PSMD14: variants seen among roughly 807,000 people sequenced by gnomAD.
PSMD14 encodes proteasome 26S subunit, non-ATPase 14.
Under a neutral mutation model 41.2 loss-of-function variants are expected in PSMD14, and 7 were observed. The ratio of observed to expected loss-of-function variants is 0.17; its 90% CI spans 0.10 to 0.32. The LOEUF (loss-of-function observed/expected upper bound fraction) is 0.32. PSMD14 is among the 10% of genes least tolerant of loss of function. The pLI is 1.00. For synonymous variants in PSMD14, 114 were observed against 122.3 expected (o/e 0.93, Z 0.45); for missense variants, 139 against 375.6 (o/e 0.37, Z 5.21).
chr2:161,411,555 A>G lies in PSMD14; in HGVS notation c.*155A>G. On this transcript the variant is annotated 3_prime_UTR_variant, in exon 12 of 12. Coordinates refer to ENST00000409682, the MANE Select transcript of PSMD14 (RefSeq NM_005805.6). Reference sequence around the variant, plus strand: ...TAACACCTTCAGTCTCAGTTGTGCAATTACTTCTGTTTCTTTAGTCAGGGT... The same window carrying G: ...TAACACCTTCAGTCTCAGTTGTGCAGTTACTTCTGTTTCTTTAGTCAGGGT... The G allele has an allele frequency of 4.8e-6, 2 of 415,556 alleles. No individual in the cohort carries two copies. Among genetic ancestry groups the G allele is most frequent in the Non-Finnish European group, 4.2e-6 (1 of 236,350 alleles). The allele number at this position is 415,556 out of a possible 1,614,324, so 25.7% of individuals were successfully genotyped here. A position where few individuals can be genotyped will look rare whatever the true frequency, so the allele number is the denominator to read the frequency against.
At chr2:161,410,998 A>T (rs978296024) in intron 11 of PSMD14, among the ~76,000 whole-genome samples, 10 of 152,042 alleles carry the variant, frequency 6.6e-5, no homozygotes, top group African/African-American at 1.9e-4. Flanking sequence ...GAAATTTTTT[A>T]AAAAATCAGA....
chr2:161,409,448 A>G (rs945826236), intron 11 of PSMD14: 2 of 152,264 alleles, frequency 1.3e-5, no homozygotes, highest in African/African-American at 4.8e-5. Context: ...ACTGTTTTTT[A>G]AAGAATGTTG....
chr2:161,326,276 C>T (rs1410799176), intron 3 of PSMD14, among the ~76,000 whole-genome samples: 1 of 152,098 alleles, frequency 6.6e-6, no homozygotes, highest in Non-Finnish European at 1.5e-5. Context: ...ATTGATCCGC[C>T]CACCTCGGCC....
At chr2:161,399,254 G>A (rs1358400036) in intron 10 of PSMD14, among the ~76,000 whole-genome samples, 2 of 152,002 alleles carry the variant, frequency 1.3e-5, no homozygotes, top group Non-Finnish European at 2.9e-5. Flanking sequence ...TATAATTCTA[G>A]TAAGAATATT....
intron 3 of PSMD14, among the ~76,000 whole-genome samples, chr2:161,344,628 C>G (rs1490539798): frequency 1.2e-5 from 1 of 82,562 alleles, no homozygotes; most frequent in African/African-American, 4.1e-5. Flanking sequence ...GTTAACATTT[C>G]TGGTGTTCTT....
chr2:161,327,946 C>CTGTGTGTGTGTGTGTGTGTGTGTG lies in PSMD14; in HGVS notation c.48+9088_48+9111dup, dbSNP rs369674882. 6.0e-3 allele frequency among the ~76,000 whole-genome samples: 701 copies of CTGTGTGTGTGTGTGTGTGTGTGTG among 117,102 alleles called. 34 individuals are homozygous for CTGTGTGTGTGTGTGTGTGTGTGTG. The highest frequency in any genetic ancestry group is 0.023 in the East Asian group (79 of 3,390). 76.8% of individuals were successfully genotyped at this position (117,102 alleles called of 152,430 possible). ...GGGGAAGCAGGAATTCTCATGTAAG[C>CTGTGTGTGTGTGTGTGTGTGTGTG]TGTGTGTGTGTGTGTGTGTGTGTGT... On this transcript the variant is annotated intron_variant, in intron 3 of 11. Transcript: ENST00000409682.
chr2:161,404,972 T>C (rs1301233269), intron 10 of PSMD14, among the ~76,000 whole-genome samples: 2 of 152,210 alleles, frequency 1.3e-5, no homozygotes, highest in African/African-American at 4.8e-5. Context: ...TTTCCTCTCA[T>C]TTGAAATGTA....
rs542645559 is a variant in PSMD14, at chr2:161,356,107, A to C, written c.49-11371A>C. Among the ~76,000 whole-genome samples the C allele has an allele frequency of 7.0e-4, 106 of 152,278 alleles. 1 individual carries two copies. The highest frequency in any genetic ancestry group is 1.1e-3 in the Non-Finnish European group (74 of 67,998). ...GTAACAAGTTTTTTAAATTAATTGA[A>C]AGCAAACAGCTGAAATCATGCATTG... On this transcript the variant is annotated intron_variant, in intron 3 of 11. Transcript: ENST00000409682.
At chr2:161,394,571 G>A (rs1165206025) in intron 9 of PSMD14, among the ~76,000 whole-genome samples, 4 of 152,132 alleles carry the variant, frequency 2.6e-5, no homozygotes, top group African/African-American at 7.2e-5. Flanking sequence ...TATTTATTGA[G>A]CTATTATTAG....
chr2:161,378,317 A>T (rs1433882330), intron 7 of PSMD14, among the ~76,000 whole-genome samples: 2 of 151,958 alleles, frequency 1.3e-5, no homozygotes, highest in African/African-American at 4.8e-5. Flanking sequence ...TTCTCAGTTT[A>T]GCATGTCACA....
At chr2:161,323,363 A>G (rs533141714) in intron 3 of PSMD14, among the ~76,000 whole-genome samples, 2 of 152,078 alleles carry the variant, frequency 1.3e-5, no homozygotes, top group East Asian at 3.9e-4. Context: ...TTAATATCAC[A>G]TTTTAAAATG....
chr2:161,333,683 C>T (rs140177240), intron 3 of PSMD14, among the ~76,000 whole-genome samples: 4 of 152,336 alleles, frequency 2.6e-5, no homozygotes, highest in South Asian at 4.1e-4. Flanking sequence ...CCAGACCCTT[C>T]AACCTCCTCA....
chr2:161,312,359 G>T (rs1475412587), intron 1 of PSMD14, among the ~76,000 whole-genome samples: 1 of 152,062 alleles, frequency 6.6e-6, no homozygotes, highest in East Asian at 1.9e-4. Flanking sequence ...GGCCAGGCTG[G>T]TCTTGAACCC....
At chr2:161,333,649 G>A (rs1310913656) in intron 3 of PSMD14, among the ~76,000 whole-genome samples, 1 of 152,230 alleles carries the variant, frequency 6.6e-6, no homozygotes, top group Non-Finnish European at 1.5e-5. Flanking sequence ...TTCTTCCAGA[G>A]TAGATCACAA....
chr2:161,343,007 T>C (rs1196398041), intron 3 of PSMD14, among the ~76,000 whole-genome samples: 1 of 152,226 alleles, frequency 6.6e-6, no homozygotes, highest in Admixed American at 6.5e-5. Context: ...GTGCTATATG[T>C]TGAAAATCCA....
intron 9 of PSMD14, among the ~76,000 whole-genome samples, chr2:161,394,609 G>A (rs1190159862): frequency 6.6e-6 from 1 of 152,168 alleles, no homozygotes; most frequent in African/African-American, 2.4e-5. Context: ...AGACCCTAGT[G>A]ATCTTGAAAT....
intron 5 of PSMD14, 55 bp from the exon 6 acceptor site, chr2:161,370,052 A>C: frequency 7.4e-7 from 1 of 1,346,570 alleles, no homozygotes; most frequent in Non-Finnish European, 1.0e-6. Flanking sequence ...ATACATAGGG[A>C]AGCTTTTTTT....
chr2:161,396,337 T>C (rs1421970594), intron 10 of PSMD14, among the ~76,000 whole-genome samples: 2 of 152,176 alleles, frequency 1.3e-5, no homozygotes, highest in African/African-American at 2.4e-5. Context: ...CCCATGTTTA[T>C]TGGAGCATTA....
At chr2:161,311,771 C>T (rs887402460) in intron 1 of PSMD14, among the ~76,000 whole-genome samples, 6 of 151,630 alleles carry the variant, frequency 4.0e-5, no homozygotes, top group Non-Finnish European at 5.9e-5. Context: ...CCTGCCATCA[C>T]GCCCGGCTAG....
Sources: gnomAD v4.1 joint callset for allele counts (sites outside exome capture counted in the v4.1 genomes callset) on GRCh38, gnomAD v4.1.1 for gene constraint, MANE v1.5 for transcripts, NCBI Gene and HGNC (gene_info 2026-07-23, HGNC 2026-07-21) for gene names.